Variants in GRIK3 observed in about 807,000 individuals in gnomAD.
GRIK3 encodes the protein glutamate ionotropic receptor kainate type subunit 3.
GRIK3 carries 29 observed loss-of-function variants against 102.5 expected under a neutral mutation model. The ratio of observed to expected loss-of-function variants is 0.28; its 90% CI spans 0.21 to 0.39. The LOEUF is 0.39. Among genes scored for constraint, GRIK3 ranks in the 10% least tolerant of loss-of-function variants. GRIK3 has a pLI of 1.00. For missense variants in GRIK3, 908 were observed against 1,252.4 expected (o/e 0.73, Z 4.15); for synonymous variants, 511 against 504.9 (o/e 1.01, Z -0.16).
rs758736357 is a variant in GRIK3 at position 36,806,063 on chromosome 1, G to A, written c.2314+41C>T. 7 of 1,412,902 alleles carry A rather than the reference G, an allele frequency of 5.0e-6. No homozygotes were observed. Among genetic ancestry groups the A allele is most frequent in the Admixed American group, 1.7e-5 (1 of 58,698 alleles). The allele number at this position is 1,412,902 out of a possible 1,614,324, so 87.5% of individuals were successfully genotyped here. A position where few individuals can be genotyped will look rare whatever the true frequency, so the allele number is the denominator to read the frequency against. ...GACGCGGGGGTGGAGCCCTCCCTCT[G>A]CCCACACACCCACCCCTCCCACAGG... On this transcript the variant is annotated intron_variant, in intron 14 of 15. Transcript: ENST00000373091. This position sits in a 1 kb window ranked among gnomAD's most constrained non-coding sequence, Gnocchi z 4.0.
intron 10 of GRIK3, among the ~76,000 whole-genome samples, chr1:36,840,821 A>G (rs1570754113): frequency 6.6e-6 from 1 of 152,316 alleles, no homozygotes; most frequent in East Asian, 1.9e-4. Context: ...TTGAACCCAG[A>G]CCTGCTGGGC....
chr1:36,889,535 G>T (rs1263395320), intron 2 of GRIK3, among the ~76,000 whole-genome samples: 1 of 152,092 alleles, frequency 6.6e-6, no homozygotes. Flanking sequence ...TCATCTGGTT[G>T]GGGGGAGGCG....
At chr1:36,967,394 C>A (rs1642092070) in intron 1 of GRIK3, among the ~76,000 whole-genome samples, 1 of 152,236 alleles carries the variant, frequency 6.6e-6, no homozygotes, top group Non-Finnish European at 1.5e-5. Context: ...CAGGGCCTGA[C>A]TACCCTCTGC....
In GRIK3 at chr1:36,860,032, G is replaced by T; in HGVS notation, c.787-15C>A. 1 of 1,560,830 alleles carries T rather than the reference G, an allele frequency of 6.4e-7. No homozygotes were observed. The highest frequency in any genetic ancestry group is 8.7e-7 in the Non-Finnish European group (1 of 1,153,200). On this transcript the variant is annotated splice_polypyrimidine_tract_variant and intron_variant, in intron 5 of 15. Transcript: ENST00000373091. ...GCGTAGAGATCCTGGATAGAGAGAG[G>T]TCTGTGTAAACCAAGGCATGCTCAC... is the stretch of plus-strand genomic sequence containing the variant.
intron 9 of GRIK3, among the ~76,000 whole-genome samples, chr1:36,844,798 C>T (rs899296749): frequency 6.6e-5 from 10 of 151,994 alleles, no homozygotes; most frequent in Admixed American, 3.9e-4. Context: ...TGCTATTTGG[C>T]GGGTTACTGC....
At chr1:36,873,155 C>T (rs1341913656) in intron 3 of GRIK3, among the ~76,000 whole-genome samples, 1 of 152,218 alleles carries the variant, frequency 6.6e-6, no homozygotes, top group Non-Finnish European at 1.5e-5. Flanking sequence ...GCCACCAGCA[C>T]GTTGATATCT....
intron 13 of GRIK3, among the ~76,000 whole-genome samples, chr1:36,810,885 C>T (rs1459274269): frequency 2.6e-5 from 4 of 152,204 alleles, no homozygotes; most frequent in Non-Finnish European, 1.5e-5. Flanking sequence ...TTCACCTCCC[C>T]CCATCCCGGC....
chr1:36,813,091 G>C (rs1006588024), intron 13 of GRIK3, among the ~76,000 whole-genome samples: 2 of 152,218 alleles, frequency 1.3e-5, no homozygotes, highest in Non-Finnish European at 2.9e-5. Flanking sequence ...CCTTAGAGAA[G>C]CCATATGAAC....
At chr1:37,002,940 A>G (rs748173686) in intron 1 of GRIK3, among the ~76,000 whole-genome samples, 7 of 151,844 alleles carry the variant, frequency 4.6e-5, no homozygotes, top group East Asian at 3.9e-4. Flanking sequence ...TGCACGGCCA[A>G]TGTTGCATTT....
At chr1:36,826,501 C>G (rs1279739930) in intron 10 of GRIK3, among the ~76,000 whole-genome samples, 1 of 151,974 alleles carries the variant, frequency 6.6e-6, no homozygotes, top group African/African-American at 2.4e-5. Context: ...GACTCCATCT[C>G]TACAAAAAAT....
At position 36,825,731 on chromosome 1, in the gene GRIK3, G is replaced by A. The variant is rs377113712; in HGVS notation, c.1626C>T (p.Ile542=). Residue 542 remains isoleucine, a synonymous_variant, in exon 11 of 16, where the codon ATC becomes ATT. Coordinates refer to ENST00000373091, the MANE Select transcript of GRIK3 (RefSeq NM_000831.4). ...TGGTGCCATTGGGCTTTCGATACAG[G>A]ATGCTCACACCAAGTGTCATGAAGG... ...SKPFMTLGVS[I]LYRKPNGTNP... 6.2e-6 allele frequency: 10 copies of A among 1,613,896 alleles called. No individual in the cohort carries two copies. The Admixed American group carries it at 8.3e-5, about 13-fold the overall frequency.
In GRIK3 at chr1:36,808,456, C is replaced by T. The variant is rs1642524632; in HGVS notation, c.2092-2130G>A. ...ACTGTGACTGGTACTCTCTCTGGCT[C>T]GTCTCACTCTGATGGAAGCTGGCTG... is the stretch of plus-strand genomic sequence containing the variant. On this transcript the variant is annotated intron_variant, in intron 13 of 15. Transcript: ENST00000373091. Among the ~76,000 whole-genome samples, 4 of 152,206 alleles carry T rather than the reference C, an allele frequency of 2.6e-5. No individual in the cohort carries two copies. The South Asian group carries it at 6.2e-4, about 24-fold the overall frequency.
chr1:36,905,501 A>G (rs1641276495), intron 1 of GRIK3, among the ~76,000 whole-genome samples: 1 of 152,016 alleles, frequency 6.6e-6, no homozygotes, highest in Non-Finnish European at 1.5e-5. Context: ...ATAAGAAAAA[A>G]AAAACAAAGC....
At chr1:36,989,693 G>A (rs1642344566) in intron 1 of GRIK3, among the ~76,000 whole-genome samples, 1 of 152,084 alleles carries the variant, frequency 6.6e-6, no homozygotes, top group African/African-American at 2.4e-5. Context: ...GTGGACACAG[G>A]CCAGGTCCCA....
chr1:36,816,968 G>A, intron 13 of GRIK3, 92 bp downstream of exon 13: 1 of 854,530 alleles, frequency 1.2e-6, no homozygotes, highest in Non-Finnish European at 1.9e-6. Flanking sequence ...GCGTGGTTAG[G>A]GAAGGACAGA....
chr1:36,999,619 A>T (rs1485347001), intron 1 of GRIK3, among the ~76,000 whole-genome samples: 1 of 152,038 alleles, frequency 6.6e-6, no homozygotes, highest in Non-Finnish European at 1.5e-5. Flanking sequence ...AGAAGCATTG[A>T]TCTATCACAG....
rs1640576792 is a variant in GRIK3 at position 36,850,852 on chromosome 1, G to A, written c.1213-428C>T. ...GGCTGTTTTGGGGTGGCAGCACAAG[G>A]AGGGGATGGACCTCACTGGGAAATG... On this transcript the variant is annotated intron_variant, in intron 8 of 15. Coordinates refer to ENST00000373091, the MANE Select transcript of GRIK3 (RefSeq NM_000831.4). This position sits in a 1 kb window ranked among gnomAD's most constrained non-coding sequence, Gnocchi z 4.0. Among the ~76,000 whole-genome samples the A allele has an allele frequency of 1.3e-5, 2 of 152,238 alleles. No individual in the cohort carries two copies. The highest frequency in any genetic ancestry group is 2.1e-4 in the South Asian group (1 of 4,828).
chr1:36,988,448 A>G (rs772221649), intron 1 of GRIK3, among the ~76,000 whole-genome samples: 5 of 152,218 alleles, frequency 3.3e-5, no homozygotes, highest in Non-Finnish European at 7.3e-5. Context: ...GGCGTTGGGA[A>G]CACCCAAGCC....
intron 1 of GRIK3, among the ~76,000 whole-genome samples, chr1:37,017,896 G>A (rs1642670908): frequency 6.6e-6 from 1 of 152,176 alleles, no homozygotes; most frequent in Non-Finnish European, 1.5e-5. Context: ...AATGATGGAT[G>A]GGTAATGAGT....
Sources: allele counts gnomAD v4.1 joint callset (sites outside exome capture counted in the v4.1 genomes callset), GRCh38; gene constraint gnomAD v4.1.1; non-coding constraint Gnocchi (gnomAD v3.1); transcripts MANE v1.5; gene names NCBI Gene and HGNC (gene_info 2026-07-23, HGNC 2026-07-21).